FGGY: variants seen among roughly 807,000 people sequenced by gnomAD.
The protein encoded by FGGY is FGGY carbohydrate kinase domain containing, also known as FGGY carbohydrate kinase domain-containing protein.
In FGGY, 72 loss-of-function variants were observed where a neutral mutation model predicts 71.3. That is an observed-to-expected ratio of 1.01 (90% CI 0.84 to 1.23). The LOEUF is 1.23. Among genes scored for constraint, FGGY ranks in the 50% most tolerant of loss-of-function variants. The pLI, the probability that FGGY is intolerant of heterozygous loss-of-function variation, is 0.00. For synonymous variants in FGGY, 251 were observed against 250.3 expected (o/e 1.00, Z -0.02); for missense variants, 668 against 682.3 (o/e 0.98, Z 0.23).
chr1:59,648,734 G>T (rs977128669), intron 11 of FGGY, among the ~76,000 whole-genome samples: 1 of 151,236 alleles, frequency 6.6e-6, no homozygotes, highest in African/African-American at 2.5e-5. Flanking sequence ...CTTTTGCTGT[G>T]CAGAAGCTCT....
chr1:59,677,227 T>G (rs1480197794), intron 14 of FGGY, among the ~76,000 whole-genome samples: 1 of 152,214 alleles, frequency 6.6e-6, no homozygotes, highest in Admixed American at 6.5e-5. Flanking sequence ...TTTCTGTGAT[T>G]CATATTTTCA....
At chr1:59,306,215 A>T (rs2043416299) in intron 1 of FGGY, among the ~76,000 whole-genome samples, 1 of 152,184 alleles carries the variant, frequency 6.6e-6, no homozygotes, top group South Asian at 2.1e-4. Flanking sequence ...TTCAACTAGA[A>T]TTTTTGAGGA....
chr1:59,663,737 T>G (rs2097298837), intron 12 of FGGY, among the ~76,000 whole-genome samples: 1 of 152,226 alleles, frequency 6.6e-6, no homozygotes, highest in African/African-American at 2.4e-5. Context: ...CAGTCTGTTT[T>G]GCAAATGTAT....
In FGGY at chr1:59,501,360, T is replaced by TA. The variant is rs376862980; in HGVS notation, c.671-10945dup. On this transcript the variant is annotated intron_variant, in intron 6 of 15. Transcript: ENST00000303721. Reference sequence around the variant, plus strand: ...GTTTTAATTAGTAAATGAGACAGGATAAAAAATTGAGAAACCTATATAAAT... The same window carrying TA: ...GTTTTAATTAGTAAATGAGACAGGATAAAAAAATTGAGAAACCTATATAAAT... 3.4e-4 allele frequency among the ~76,000 whole-genome samples: 51 copies of TA among 152,236 alleles called. 2 individuals are homozygous for TA. Among genetic ancestry groups the TA allele is most frequent in the African/African-American group, 1.1e-3 (46 of 41,552 alleles).
At chr1:59,705,988 C>T (rs865910462) in intron 14 of FGGY, among the ~76,000 whole-genome samples, 8 of 152,138 alleles carry the variant, frequency 5.3e-5, no homozygotes, top group South Asian at 2.1e-4. Flanking sequence ...CTAAAGGAAA[C>T]GAAACACCTA....
At chr1:59,320,273 TA>T (rs1008125005) in intron 1 of FGGY, among the ~76,000 whole-genome samples, 1 of 152,238 alleles carries the variant, frequency 6.6e-6, no homozygotes, top group Non-Finnish European at 1.5e-5. Flanking sequence ...TTTACTGGAG[TA>T]AATATCTAGG....
At chr1:59,497,519 C>G (rs775222404) in intron 6 of FGGY, among the ~76,000 whole-genome samples, 1 of 152,112 alleles carries the variant, frequency 6.6e-6, no homozygotes, top group Non-Finnish European at 1.5e-5. Context: ...AGCCAGGAGG[C>G]AGAGGTTGCA....
intron 5 of FGGY, among the ~76,000 whole-genome samples, chr1:59,420,490 G>T (rs2065222577): frequency 6.6e-6 from 1 of 152,176 alleles, no homozygotes; most frequent in Admixed American, 6.5e-5. Context: ...TTGGATCTCA[G>T]TCTTTGACAT....
chr1:59,445,044 T>G (rs969430640), intron 5 of FGGY, among the ~76,000 whole-genome samples: 11 of 152,202 alleles, frequency 7.2e-5, no homozygotes, highest in Admixed American at 3.9e-4. Context: ...TCTTCATGGA[T>G]TTTTCTCTTT....
At chr1:59,666,257 T>C (rs1305606744) in intron 12 of FGGY, among the ~76,000 whole-genome samples, 2 of 152,188 alleles carry the variant, frequency 1.3e-5, no homozygotes, top group African/African-American at 4.8e-5. Context: ...CTCCCCAGAT[T>C]GCTCAATCTC....
chr1:59,714,517 G>C (rs746830702), intron 14 of FGGY, among the ~76,000 whole-genome samples: 8 of 152,170 alleles, frequency 5.3e-5, no homozygotes, highest in Non-Finnish European at 8.8e-5. Flanking sequence ...ACAGACATGT[G>C]GTGTCTTTGG....
Position 59,340,198 on chromosome 1 carries a change from C to T in FGGY, c.313+129C>T, listed in dbSNP as rs188812057. ...AAAATTTAGAGGTAGAGTGAAGTGA[C>T]ACAGATCATGTTGCAGAAGTCAAGA... On this transcript the variant is annotated intron_variant, in intron 3 of 15. Coordinates refer to ENST00000303721, the MANE Select transcript of FGGY (RefSeq NM_018291.5). The T allele has an allele frequency of 2.0e-4, 130 of 643,550 alleles. No individual in the cohort carries two copies. In the African/African-American group the frequency reaches 2.2e-3, roughly 11 times the overall value. 39.9% of individuals were successfully genotyped at this position (643,550 alleles called of 1,614,324 possible). A position where few individuals can be genotyped will look rare whatever the true frequency, so the allele number is the denominator to read the frequency against.
At chr1:59,386,113 A>T (rs1157326127) in intron 5 of FGGY, among the ~76,000 whole-genome samples, 2 of 152,188 alleles carry the variant, frequency 1.3e-5, no homozygotes, top group Non-Finnish European at 2.9e-5. Context: ...ATATATTATT[A>T]TGATACATTT....
intron 8 of FGGY, among the ~76,000 whole-genome samples, chr1:59,568,001 G>A (rs1009975609): frequency 3.3e-5 from 5 of 151,800 alleles, no homozygotes; most frequent in Non-Finnish European, 4.4e-5. Context: ...GAATTCTATG[G>A]AACCAGAGAT....
At chr1:59,589,977 C>A (rs1279875934) in intron 8 of FGGY, among the ~76,000 whole-genome samples, 3 of 151,882 alleles carry the variant, frequency 2.0e-5, no homozygotes, top group Non-Finnish European at 4.4e-5. Context: ...AAAAACCCTT[C>A]AAAAAATTAA....
chr1:59,685,384 T>C (rs1327761960), intron 14 of FGGY, among the ~76,000 whole-genome samples: 1 of 152,000 alleles, frequency 6.6e-6, no homozygotes, highest in South Asian at 2.1e-4. Context: ...ATCTTGGCAG[T>C]TTTGATTAGT....
chr1:59,638,265 G>A lies in FGGY; in HGVS notation c.1111G>A (p.Asp371Asn). 3.7e-6 allele frequency: 6 copies of A among 1,614,142 alleles called. No individual in the cohort carries two copies. Among genetic ancestry groups the A allele is most frequent in the Non-Finnish European group, 4.2e-6 (5 of 1,180,024 alleles). The change falls in exon 11 of 16, where the codon GAT (aspartate) becomes AAT (asparagine). Residue 371 changes from aspartate (D) to asparagine (N), a missense_variant. Asp to Asn is a conservative substitution (Grantham distance 23). Coordinates refer to ENST00000303721, the MANE Select transcript of FGGY (RefSeq NM_018291.5). The stretch of plus-strand genomic sequence containing the variant: ...ATATGCATATTTGAACAGTCACCTG[G>A]ATCTGATTAAGAAGGCTCAGCCTGT... ...SIYAYLNSHLDLIKKAQPVGF... is the reference protein window; with the variant it reads ...SIYAYLNSHLNLIKKAQPVGF...
chr1:59,625,851 C>A, intron 9 of FGGY, 137 bp from the exon 10 acceptor site: 1 of 549,416 alleles, frequency 1.8e-6, no homozygotes, highest in Non-Finnish European at 3.0e-6. Context: ...ACTCTTGCTA[C>A]ATTGGCATTT....
intron 7 of FGGY, among the ~76,000 whole-genome samples, chr1:59,538,468 A>G (rs1057369175): frequency 4.0e-5 from 6 of 151,406 alleles, no homozygotes; most frequent in Non-Finnish European, 8.8e-5. Context: ...TAGAAATACC[A>G]TTTGACCCAG....
Sources: allele counts gnomAD v4.1 joint callset (sites outside exome capture counted in the v4.1 genomes callset), GRCh38; gene constraint gnomAD v4.1.1; transcripts MANE v1.5; gene names NCBI Gene and HGNC (gene_info 2026-07-23, HGNC 2026-07-21).